ANKS1B: variants seen among roughly 807,000 people sequenced by gnomAD.
The protein encoded by ANKS1B is ankyrin repeat and sterile alpha motif domain containing 1B, also known as ankyrin repeat and sterile alpha motif domain-containing protein 1B.
In ANKS1B, 36 loss-of-function variants were observed where a neutral mutation model predicts 148.3. The ratio of observed to expected loss-of-function variants is 0.24; its 90% confidence interval spans 0.19 to 0.32. The LOEUF is 0.32. Ranked by LOEUF, ANKS1B falls within the 10% of genes least tolerant of loss-of-function variation. The pLI is 1.00. For missense variants in ANKS1B, 1,157 were observed against 1,542.6 expected, an observed-to-expected ratio of 0.75 and a Z score of 4.19; for synonymous variants, 542 against 560.8, an observed-to-expected ratio of 0.97 and a Z score of 0.47.
intron 9 of ANKS1B, among the ~76,000 whole-genome samples, chr12:99,537,813 T>G (rs967292759): frequency 9.9e-5 from 15 of 152,190 alleles, no homozygotes; most frequent in African/African-American, 3.6e-4. Flanking sequence ...TATGGTATAT[T>G]GCTCAAGAAA....
intron 12 of ANKS1B, among the ~76,000 whole-genome samples, chr12:99,326,843 T>A (rs1431868290): frequency 6.6e-6 from 1 of 151,040 alleles, no homozygotes; most frequent in African/African-American, 2.4e-5. Flanking sequence ...GTTTTCCACA[T>A]AAGGTGGATG....
intron 17 of ANKS1B, among the ~76,000 whole-genome samples, chr12:98,959,023 T>A (rs1236497184): frequency 6.6e-6 from 1 of 152,230 alleles, no homozygotes; most frequent in Non-Finnish European, 1.5e-5. Context: ...ATTTCACATT[T>A]AATAATATGG....
rs60942475 is a variant in ANKS1B, at chr12:99,724,052, C to CA, written c.1128+48869dup. On this transcript the variant is annotated intron_variant, in intron 8 of 26. Transcript: ENST00000683438. The stretch of plus-strand genomic sequence containing the variant: ...ATTCATGAAGATGAGAAAGGATCAA[C>CA]AAAAAAAAAAACACTGAAAGCCCAA... Among the ~76,000 whole-genome samples, 1,335 of 143,560 alleles carry CA rather than the reference C, an allele frequency of 9.3e-3. 16 individuals are homozygous for CA. The highest frequency in any genetic ancestry group is 0.021 in the African/African-American group (817 of 39,296). 94.2% of individuals were successfully genotyped at this position (143,560 alleles called of 152,430 possible).
chr12:99,688,555 C>A (rs1339735828), intron 8 of ANKS1B, among the ~76,000 whole-genome samples: 1 of 152,068 alleles, frequency 6.6e-6, no homozygotes, highest in Non-Finnish European at 1.5e-5. Flanking sequence ...AGAAAAAAGG[C>A]ACCAAGGACT....
Position 99,544,393 on chromosome 12 carries a change from C to T in ANKS1B, c.1273-39752G>A, listed in dbSNP as rs373000540. 1.6e-4 allele frequency among the ~76,000 whole-genome samples: 25 copies of T among 152,234 alleles called. No individual in the cohort carries two copies. The South Asian group carries it at 3.1e-3, about 19-fold the overall frequency. On this transcript the variant is annotated intron_variant, in intron 9 of 26. Transcript: ENST00000683438. ...GGTTTGAAGTCTGACAGTCCCTACC[C>T]GGACTCTGGTTCCTATGCTTTATTA... is the stretch of plus-strand genomic sequence containing the variant.
At chr12:99,692,049 A>G (rs892027307) in intron 8 of ANKS1B, among the ~76,000 whole-genome samples, 4 of 152,236 alleles carry the variant, frequency 2.6e-5, no homozygotes, top group African/African-American at 9.6e-5. Flanking sequence ...GATGAGAGTC[A>G]AATTCTGTGA....
chr12:98,736,663 CAG>C (rs1048011736), intron 9 of ANKS1B, among the ~76,000 whole-genome samples: 11 of 151,688 alleles, frequency 7.3e-5, no homozygotes, highest in African/African-American at 1.7e-4. Flanking sequence ...ATAGAAAAGA[CAG>C]GGGGCCCCAA....
At chr12:99,036,916 T>C (rs886722813) in intron 17 of ANKS1B, among the ~76,000 whole-genome samples, 11 of 152,248 alleles carry the variant, frequency 7.2e-5, no homozygotes, top group African/African-American at 2.4e-4. Flanking sequence ...TGGGTTTATG[T>C]GTTGGACAGA....
chr12:99,084,865 C>A, intron 16 of ANKS1B, 60 bp downstream of exon 16: 3 of 1,342,298 alleles, frequency 2.2e-6, no homozygotes. Flanking sequence ...TCCTTGCATG[C>A]CTGGACTCAA....
chr12:98,839,893 G>T (rs1026525236), intron 17 of ANKS1B, among the ~76,000 whole-genome samples: 1 of 152,138 alleles, frequency 6.6e-6, no homozygotes, highest in African/African-American at 2.4e-5. Context: ...GTTGACACAT[G>T]ATACATCCTG....
intron 17 of ANKS1B, among the ~76,000 whole-genome samples, chr12:98,977,177 A>G (rs2099898112): frequency 6.6e-6 from 1 of 152,230 alleles, no homozygotes; most frequent in African/African-American, 2.4e-5. Flanking sequence ...TGAGGTTGAA[A>G]GTGAATAAAA....
At chr12:99,307,751 T>C (rs1033675935) in intron 12 of ANKS1B, among the ~76,000 whole-genome samples, 14 of 151,864 alleles carry the variant, frequency 9.2e-5, no homozygotes, top group African/African-American at 3.1e-4. Flanking sequence ...CATGCTGATA[T>C]AAGAGCTCAA....
At chr12:99,449,003 T>C (rs535113794) in intron 10 of ANKS1B, among the ~76,000 whole-genome samples, 7 of 152,242 alleles carry the variant, frequency 4.6e-5, no homozygotes, top group Admixed American at 1.3e-4. Flanking sequence ...TAGTTTCTTC[T>C]ATTTATTTTC....
chr12:99,546,953 G>A (rs1481762067), intron 9 of ANKS1B, among the ~76,000 whole-genome samples: 1 of 152,070 alleles, frequency 6.6e-6, no homozygotes, highest in African/African-American at 2.4e-5. Context: ...CTCTGACAGG[G>A]GCAGGGGGAG....
chr12:98,949,999 C>T (rs2099851628), intron 17 of ANKS1B, among the ~76,000 whole-genome samples: 1 of 152,138 alleles, frequency 6.6e-6, no homozygotes, highest in Admixed American at 6.5e-5. Flanking sequence ...CCTATAGTTA[C>T]ATGCATTGTG....
chr12:98,739,054 A>C (rs903115051), downstream of ANKS1B, among the ~76,000 whole-genome samples: 2 of 152,184 alleles, frequency 1.3e-5, no homozygotes, highest in East Asian at 1.9e-4. Context: ...GCAAGGTGTT[A>C]TCTCTTTCAT....
intron 14 of ANKS1B, among the ~76,000 whole-genome samples, chr12:99,231,025 C>T (rs375036673): frequency 6.6e-6 from 1 of 152,076 alleles, no homozygotes; most frequent in Admixed American, 6.6e-5. Context: ...CAAAGCGTTT[C>T]AGAGAAGCTT....
intron 8 of ANKS1B, among the ~76,000 whole-genome samples, chr12:99,682,088 C>T (rs1352723340): frequency 1.3e-5 from 2 of 152,040 alleles, no homozygotes; most frequent in Admixed American, 6.6e-5. Context: ...AATATATATG[C>T]AGAAGTTCCC....
intron 1 of ANKS1B, among the ~76,000 whole-genome samples, chr12:99,936,643 T>C (rs767643145): frequency 3.9e-5 from 6 of 152,214 alleles, no homozygotes; most frequent in Non-Finnish European, 7.3e-5. Flanking sequence ...AAACCATTCC[T>C]ACCTCTGTTT....
Sources: gnomAD v4.1 joint callset for allele counts (sites outside exome capture counted in the v4.1 genomes callset) on GRCh38, gnomAD v4.1.1 for gene constraint, MANE v1.5 for transcripts, NCBI Gene and HGNC (gene_info 2026-07-23, HGNC 2026-07-21) for gene names.